USP3: variants seen among roughly 807,000 people sequenced by gnomAD.
The protein encoded by USP3 is ubiquitin carboxyl-terminal hydrolase 3.
A neutral mutation model predicts 72.3 loss-of-function variants in USP3; 20 were observed. That is an observed-to-expected ratio of 0.28 (90% CI 0.19 to 0.40). USP3 has a LOEUF of 0.40. USP3 is among the 10% of genes least tolerant of loss of function. USP3 has a pLI of 1.00. For missense variants in USP3, 479 were observed against 633.9 expected (o/e 0.76, Z 2.62); for synonymous variants, 222 against 225.3 (o/e 0.99, Z 0.13).
At chr15:63,583,497 A>G (rs943764526) in intron 11 of USP3, among the ~76,000 whole-genome samples, 2 of 152,212 alleles carry the variant, frequency 1.3e-5, no homozygotes, top group Non-Finnish European at 2.9e-5. Flanking sequence ...AAATATACAT[A>G]GAATAAAATG....
At chr15:63,542,241 G>A in intron 3 of USP3, 1 of 967,374 alleles carries the variant, frequency 1.0e-6, no homozygotes, top group Non-Finnish European at 1.2e-6. Context: ...TATTCAGTAT[G>A]GTAGCAATTG....
chr15:63,541,950 G>A (rs17766223), intron 3 of USP3: 82,482 of 570,326 alleles, frequency 0.14, 6,702 homozygotes, highest in South Asian at 0.19. Flanking sequence ...GTTATGCATG[G>A]CTTACTGTAT....
chr15:63,504,856 G>A, intron 1 of USP3, 26 bp downstream of exon 1: 1 of 1,557,764 alleles, frequency 6.4e-7, no homozygotes, highest in Non-Finnish European at 8.7e-7. Context: ...GGCCGGCCCC[G>A]CAGCGCACCC....
chr15:63,521,017 CT>C (rs2152653094), intron 1 of USP3, among the ~76,000 whole-genome samples: 1 of 152,224 alleles, frequency 6.6e-6, no homozygotes, highest in Admixed American at 6.5e-5. Flanking sequence ...TACCCACCCC[CT>C]GTAGACAACC....
At chr15:63,512,397 TC>T (rs2065801653) in intron 1 of USP3, among the ~76,000 whole-genome samples, 1 of 151,046 alleles carries the variant, frequency 6.6e-6, no homozygotes, top group Admixed American at 6.6e-5. Context: ...TCTTCTTTCT[TC>T]CTTCTTCTTC....
chr15:63,543,890 A>T (rs74018112), intron 3 of USP3, among the ~76,000 whole-genome samples: 2,453 of 152,034 alleles, frequency 0.016, 67 homozygotes, highest in African/African-American at 0.056. Context: ...TTAATGTCAA[A>T]CCTTTACCTT....
intron 4 of USP3, among the ~76,000 whole-genome samples, chr15:63,554,697 G>C (rs933996129): frequency 4.6e-5 from 7 of 152,154 alleles, no homozygotes; most frequent in South Asian, 2.1e-4. Context: ...TTCTTTGAGG[G>C]CAGTACTGTG....
chr15:63,566,427 C>G (rs2066692656), intron 8 of USP3, among the ~76,000 whole-genome samples: 2 of 151,942 alleles, frequency 1.3e-5, no homozygotes, highest in African/African-American at 4.8e-5. Flanking sequence ...ATTCTCCTGC[C>G]TCAGCCTCTC....
At chr15:63,520,591 T>C (rs2065908056) in intron 1 of USP3, among the ~76,000 whole-genome samples, 1 of 145,180 alleles carries the variant, frequency 6.9e-6, no homozygotes, top group Admixed American at 7.0e-5. Flanking sequence ...TGAGATGGAG[T>C]TTTGCTCTTG....
In USP3 at chr15:63,559,950, G is replaced by C. The variant is rs776442183; in HGVS notation, c.627G>C (p.Arg209Ser). The C allele has an allele frequency of 1.9e-6, 3 of 1,613,806 alleles. No individual in the cohort carries two copies. The highest frequency in any genetic ancestry group is 1.3e-5 in the African/African-American group (1 of 74,902). The change falls in exon 7 of 15, where the codon AGG (arginine) becomes AGC (serine). Residue 209 changes from arginine to serine, a missense_variant. Coordinates refer to ENST00000380324, the MANE Select transcript of USP3 (RefSeq NM_006537.4). ...CAGGAAGGCGGACATACCACACCAG[G>C]AGCCAAGGGGATAACAATGTGTGAG... ...KTAGRRTYHT[R>S]SQGDNNVSLV...
chr15:63,557,031 A>T (rs886621211), intron 5 of USP3: 2 of 210,744 alleles, frequency 9.5e-6, no homozygotes, highest in Non-Finnish European at 1.9e-5. Flanking sequence ...GTCATCAGAA[A>T]ACCCAGCCTT....
At chr15:63,554,506 G>T (rs538566923) in intron 4 of USP3, among the ~76,000 whole-genome samples, 1 of 152,306 alleles carries the variant, frequency 6.6e-6, no homozygotes, top group East Asian at 1.9e-4. Flanking sequence ...TGGAATGACT[G>T]CTGACTCAAG....
intron 11 of USP3, among the ~76,000 whole-genome samples, chr15:63,583,508 T>C (rs1460064991): frequency 6.6e-6 from 1 of 152,182 alleles, no homozygotes; most frequent in East Asian, 1.9e-4. Flanking sequence ...GAATAAAATG[T>C]AACATTTTAA....
At position 63,529,992 on chromosome 15, in the gene USP3, C is replaced by T. The variant is rs1400905344; in HGVS notation, c.92-2655C>T. Among the ~76,000 whole-genome samples, 2 of 152,060 alleles carry T rather than the reference C, an allele frequency of 1.3e-5. No individual in the cohort carries two copies. Among genetic ancestry groups the T allele is most frequent in the African/African-American group, 4.8e-5 (2 of 41,392 alleles). ...ACCAAAAAGAAAAACAGAAAATTAG[C>T]CAGGCGTGGTGGCAGATGCCTGTAG... On this transcript the variant is annotated intron_variant, in intron 1 of 14. Coordinates refer to ENST00000380324, the MANE Select transcript of USP3 (RefSeq NM_006537.4). The surrounding 1 kb of genome is among the most constrained non-coding windows in gnomAD (Gnocchi z 4.2).
At chr15:63,512,651 G>A (rs1267444250) in intron 1 of USP3, among the ~76,000 whole-genome samples, 1 of 151,602 alleles carries the variant, frequency 6.6e-6, no homozygotes, top group Non-Finnish European at 1.5e-5. Flanking sequence ...CACTGTGTTG[G>A]CCAGGCTGGT....
intron 1 of USP3, among the ~76,000 whole-genome samples, chr15:63,507,382 T>A (rs1168201034): frequency 6.6e-6 from 1 of 152,220 alleles, no homozygotes; most frequent in African/African-American, 2.4e-5. Context: ...TCAGTTTCCT[T>A]ATATAATCTG....
intron 3 of USP3, among the ~76,000 whole-genome samples, chr15:63,545,626 T>G (rs2066309521): frequency 6.6e-6 from 1 of 152,114 alleles, no homozygotes; most frequent in South Asian, 2.1e-4. Flanking sequence ...AATACTGCTT[T>G]CTTTCTATTA....
chr15:63,556,820 A>T lies in USP3; in HGVS notation c.450+72A>T, dbSNP rs550716326. The stretch of plus-strand genomic sequence containing the variant: ...ATCACTGTTTTGTTACAACTCTAAC[A>T]TGTAATGTTACCTGTTACAGACTTT... On this transcript the variant is annotated intron_variant, in intron 5 of 14. Coordinates refer to ENST00000380324, the MANE Select transcript of USP3 (RefSeq NM_006537.4). 7 of 1,058,326 alleles carry T rather than the reference A, an allele frequency of 6.6e-6. No individual in the cohort carries two copies. The East Asian group carries it at 1.6e-4, about 24-fold the overall frequency. 65.6% of individuals were successfully genotyped at this position (1,058,326 alleles called of 1,614,324 possible).
chr15:63,543,295 A>AAAC (rs2066272690), intron 3 of USP3, among the ~76,000 whole-genome samples: 2 of 152,142 alleles, frequency 1.3e-5, no homozygotes, highest in Admixed American at 1.3e-4. Context: ...ATTGTGAACA[A>AAAC]CATTAAAAAA....
Sources: allele counts gnomAD v4.1 joint callset (sites outside exome capture counted in the v4.1 genomes callset), GRCh38; gene constraint gnomAD v4.1.1; non-coding constraint Gnocchi (gnomAD v3.1); transcripts MANE v1.5; gene names NCBI Gene and HGNC (gene_info 2026-07-23, HGNC 2026-07-21).